PDE1A: variants seen among roughly 807,000 people sequenced by gnomAD.
PDE1A encodes dual specificity calcium/calmodulin-dependent 3',5'-cyclic nucleotide phosphodiesterase 1A.
In PDE1A, 35 loss-of-function variants were observed where a neutral mutation model predicts 61.7. The observed-to-expected ratio is 0.57, with a 90% CI of 0.43 to 0.75. The LOEUF (loss-of-function observed/expected upper bound fraction) is 0.75, where lower values mean the gene tolerates loss of function less well. Ranked by LOEUF, PDE1A falls within the 30% of genes least tolerant of loss-of-function variation. The pLI is 0.00. For missense variants in PDE1A, 597 were observed against 630.6 expected, an observed-to-expected ratio of 0.95 and a Z score of 0.57; for synonymous variants, 232 against 213.2, an observed-to-expected ratio of 1.09 and a Z score of -0.77.
At chr2:182,233,441 TA>T (rs1352909335) in intron 4 of PDE1A, among the ~76,000 whole-genome samples, 2 of 151,876 alleles carry the variant, frequency 1.3e-5, no homozygotes, top group Non-Finnish European at 2.9e-5. Context: ...AACATAAATA[TA>T]AAAAAAGCAC....
At chr2:182,158,694 AGTTGTCTTGCTAAAGAAT>A (rs1691224948) in intron 13 of PDE1A, among the ~76,000 whole-genome samples, 1 of 152,166 alleles carries the variant, frequency 6.6e-6, no homozygotes, top group Non-Finnish European at 1.5e-5. Flanking sequence ...CTCACTACCC[AGTTGTCTTGCTAAAGAAT>A]GGGCCTTGGT....
chr2:182,450,862 T>A (rs1021083103), intron 2 of PDE1A, among the ~76,000 whole-genome samples: 1 of 151,552 alleles, frequency 6.6e-6, no homozygotes, highest in Non-Finnish European at 1.5e-5. Context: ...TATTTACGGC[T>A]GGCACTGTTT....
the PDE1A span, among the ~76,000 whole-genome samples, chr2:182,616,580 T>C: frequency 6.6e-6 from 1 of 152,180 alleles, no homozygotes; most frequent in African/African-American, 2.4e-5. Context: ...CTTCTTCTCC[T>C]GAGACTACAT....
chr2:182,152,002 A>C (rs1690805316), intron 13 of PDE1A, among the ~76,000 whole-genome samples: 1 of 152,216 alleles, frequency 6.6e-6, no homozygotes, highest in Admixed American at 6.5e-5. Context: ...GCAATGCCCC[A>C]GTTAATTTTT....
intron 2 of PDE1A, among the ~76,000 whole-genome samples, chr2:182,507,589 T>C (rs3856410): frequency 0.39 from 58,348 of 151,218 alleles, 11,782 homozygotes; most frequent in Middle Eastern, 0.5. Context: ...AAACAAGGTG[T>C]ATGGCCAAGA....
At chr2:182,179,620 T>C (rs1684578854) in intron 13 of PDE1A, among the ~76,000 whole-genome samples, 1 of 152,126 alleles carries the variant, frequency 6.6e-6, no homozygotes, top group African/African-American at 2.4e-5. Flanking sequence ...GGGGCCTAGA[T>C]GGTAGGTTTT....
chr2:182,631,408 A>G, the PDE1A span, among the ~76,000 whole-genome samples: 3 of 152,330 alleles, frequency 2.0e-5, no homozygotes, highest in Admixed American at 1.3e-4. Flanking sequence ...CACTGCACCC[A>G]CTAACTCATC....
chr2:182,318,842 T>C lies in PDE1A; in HGVS notation c.54-54428A>G, dbSNP rs146092095. Among the ~76,000 whole-genome samples the C allele has an allele frequency of 1.6e-4, 25 of 152,294 alleles. No individual in the cohort carries two copies. In the East Asian group the frequency reaches 4.6e-3, roughly 28 times the overall value. ...ATATGAGCTCTTCTTTATTCCTTTC[T>C]TTTTTTAAAACCTTTAAAAAGACTT... On this transcript the variant is annotated intron_variant, in intron 1 of 13. Transcript: ENST00000351439.
rs772600912 is a variant in PDE1A, at chr2:182,246,394, C to CTTTTTTTTTTTTTTTTTTTTTTTT, written c.168-6103_168-6102insAAAAAAAAAAAAAAAAAAAAAAAA. Among the ~76,000 whole-genome samples the CTTTTTTTTTTTTTTTTTTTTTTTT allele has an allele frequency of 1.9e-5, 2 of 105,366 alleles. 1 individual carries two copies. The allele number at this position is 105,366 out of a possible 152,430, so 69.1% of individuals were successfully genotyped here. ...TTTTTATTCTACTATAGTCTTTTTT[C>CTTTTTTTTTTTTTTTTTTTTTTTT]TTTTTTCTTTCTTTTTTTTTTTTTT... On this transcript the variant is annotated intron_variant, in intron 2 of 13. Coordinates refer to ENST00000351439, the Ensembl canonical transcript of PDE1A.
intron 2 of PDE1A, among the ~76,000 whole-genome samples, chr2:182,479,333 T>C (rs1463355617): frequency 1.3e-5 from 2 of 151,968 alleles, no homozygotes; most frequent in East Asian, 1.9e-4. Flanking sequence ...GATAGTTATG[T>C]TGACAGCTTA....
intron 7 of PDE1A, among the ~76,000 whole-genome samples, chr2:182,211,323 T>A (rs949862370): frequency 6.6e-6 from 1 of 152,226 alleles, no homozygotes; most frequent in African/African-American, 2.4e-5. Flanking sequence ...ATCAGTTGAC[T>A]ATATTTTTTG....
chr2:182,457,827 GGGA>G (rs1022599218), intron 2 of PDE1A, among the ~76,000 whole-genome samples: 2 of 151,980 alleles, frequency 1.3e-5, no homozygotes, highest in Non-Finnish European at 2.9e-5. Context: ...TATGGTAAAG[GGGA>G]GAAATTTAAA....
chr2:182,384,604 T>C (rs1008540230), intron 1 of PDE1A, among the ~76,000 whole-genome samples: 3 of 151,746 alleles, frequency 2.0e-5, no homozygotes, highest in African/African-American at 7.3e-5. Context: ...ACAGGTTATT[T>C]GAAAATATGT....
chr2:182,484,799 T>A (rs1046608287), intron 2 of PDE1A, among the ~76,000 whole-genome samples: 1 of 150,922 alleles, frequency 6.6e-6, no homozygotes, highest in African/African-American at 2.4e-5. Flanking sequence ...AGAATGCAAA[T>A]AAAAACCGCA....
At chr2:182,332,604 CGCTGCAGGTCT>C (rs1697492913) in intron 1 of PDE1A, among the ~76,000 whole-genome samples, 1 of 151,966 alleles carries the variant, frequency 6.6e-6, no homozygotes, top group African/African-American at 2.4e-5. Context: ...TTCATTTTCC[CGCTGCAGGTCT>C]GCTGGAGTTT....
chr2:182,467,006 A>C (rs1185707712), intron 2 of PDE1A, among the ~76,000 whole-genome samples: 1 of 151,992 alleles, frequency 6.6e-6, no homozygotes, highest in Non-Finnish European at 1.5e-5. Context: ...GGCTCACCAG[A>C]CTAAAAAGGC....
chr2:182,270,156 AGGAC>A (rs1174366488), intron 1 of PDE1A, among the ~76,000 whole-genome samples: 1 of 152,150 alleles, frequency 6.6e-6, no homozygotes, highest in African/African-American at 2.4e-5. Context: ...TCTAACGATC[AGGAC>A]ACATAAAAGA....
At chr2:182,166,245 T>A (rs559064459), downstream of PDE1A, among the ~76,000 whole-genome samples, 148 of 152,202 alleles carry the variant, frequency 9.7e-4, no homozygotes, top group Non-Finnish European at 1.8e-3. Context: ...GATTAACCCA[T>A]GAGTCAGTGG....
intron 2 of PDE1A, among the ~76,000 whole-genome samples, chr2:182,467,112 CGAA>C (rs1284950173): frequency 1.5e-5 from 2 of 131,642 alleles, no homozygotes; most frequent in Admixed American, 8.2e-5. Context: ...AAAGAAATAA[CGAA>C]GAAAAAAAGA....
Sources: gnomAD v4.1 joint callset for allele counts (sites outside exome capture counted in the v4.1 genomes callset) on GRCh38, gnomAD v4.1.1 for gene constraint, MANE v1.5 for transcripts, NCBI Gene and HGNC (gene_info 2026-07-23, HGNC 2026-07-21) for gene names.